PHF21A: variants seen among roughly 807,000 people sequenced by gnomAD.
PHF21A encodes the protein BHC80a.
PHF21A carries 11 observed loss-of-function variants against 82.5 expected under a neutral mutation model. The ratio of observed to expected loss-of-function variants is 0.13; its 90% CI spans 0.08 to 0.22. The LOEUF (loss-of-function observed/expected upper bound fraction) is 0.22, where lower values mean the gene tolerates loss of function less well. Among genes scored for constraint, PHF21A ranks in the 10% least tolerant of loss-of-function variants. The probability of loss-of-function intolerance (pLI) is 1.00; values close to 1 mark genes in which losing one functional copy is unlikely to be tolerated. For missense variants in PHF21A, 579 were observed against 837.8 expected, an observed-to-expected ratio of 0.69 and a Z score of 3.81; for synonymous variants, 297 against 302.8, an observed-to-expected ratio of 0.98 and a Z score of 0.20.
At chr11:46,116,599 G>T (rs766209867) in intron 1 of PHF21A, 2 of 151,498 alleles carry the variant, frequency 1.3e-5, no homozygotes, top group African/African-American at 4.9e-5. Context: ...AACTGACTAG[G>T]CAGCATTTTT....
chr11:45,943,100 C>A (rs1319224955), intron 15 of PHF21A, among the ~76,000 whole-genome samples: 2 of 147,956 alleles, frequency 1.4e-5, no homozygotes, highest in Non-Finnish European at 3.0e-5. Flanking sequence ...TCCAAGCTAT[C>A]ATCATCATCA....
intron 6 of PHF21A, among the ~76,000 whole-genome samples, chr11:46,056,993 A>T (rs1386133083): frequency 6.6e-6 from 1 of 151,162 alleles, no homozygotes; most frequent in Non-Finnish European, 1.5e-5. Flanking sequence ...AAATATAGTA[A>T]AAAAAAAAGT....
In PHF21A at chr11:45,976,537, A is replaced by G. The variant is rs112787735; in HGVS notation, c.360+3223T>C. Among the ~76,000 whole-genome samples, 176 of 152,360 alleles carry G rather than the reference A, an allele frequency of 1.2e-3. 1 individual carries two copies. The highest frequency in any genetic ancestry group is 4.2e-3 in the African/African-American group (175 of 41,586). On this transcript the variant is annotated intron_variant, in intron 7 of 18. Transcript: ENST00000676320. ...ACCAGAATCTACCACATAGATTGGT[A>G]GTACCAATAAATAGGTTAGTAGTGC... is the stretch of plus-strand genomic sequence containing the variant.
chr11:45,978,481 T>C (rs2094142537), intron 7 of PHF21A, among the ~76,000 whole-genome samples: 1 of 152,208 alleles, frequency 6.6e-6, no homozygotes, highest in Admixed American at 6.5e-5. Flanking sequence ...AAATTCATTC[T>C]TTACTTGCAA....
Position 45,956,712 on chromosome 11 carries a change from A to G in PHF21A, c.997-3087T>C, listed in dbSNP as rs570952032. On this transcript the variant is annotated intron_variant, in intron 10 of 18. Coordinates refer to ENST00000676320, the MANE Select transcript of PHF21A (RefSeq NM_001352027.3). ...GAAATGAGGAAAGCATGAAAATGAC[A>G]CACTAAGAAAAAAATCAAACAAAAA... is the stretch of plus-strand genomic sequence containing the variant. 3.3e-5 allele frequency among the ~76,000 whole-genome samples: 5 copies of G among 152,332 alleles called. No homozygotes were observed. In the South Asian group the frequency reaches 1.0e-3, roughly 32 times the overall value.
At chr11:45,969,953 A>G in intron 8 of PHF21A, 49 bp from the exon 9 acceptor site, 2 of 1,154,638 alleles carry the variant, frequency 1.7e-6, no homozygotes, top group East Asian at 2.4e-5. Flanking sequence ...TTACTCTTCA[A>G]TATCAAAGCT....
intron 12 of PHF21A, 100 bp downstream of exon 12, chr11:45,950,106 G>C (rs765720602): frequency 4.3e-5 from 41 of 954,692 alleles, no homozygotes; most frequent in Non-Finnish European, 6.3e-5. Flanking sequence ...TACTCTATTT[G>C]TGTTCCAATT....
chr11:46,022,842 G>A (rs1328887007), intron 6 of PHF21A, among the ~76,000 whole-genome samples: 3 of 152,210 alleles, frequency 2.0e-5, no homozygotes, highest in East Asian at 3.9e-4. Flanking sequence ...GAGTGCAGTG[G>A]TGAGATCTTG....
rs865930948 is a variant in PHF21A, at chr11:46,105,022, C to G, written c.-236-12799G>C. ...TTCAGTACCATTTATTTAGTACTTA[C>G]TATGTGTCAGGCACTTCTACTAGTT... On this transcript the variant is annotated intron_variant, in intron 1 of 18. Coordinates refer to ENST00000676320, the MANE Select transcript of PHF21A (RefSeq NM_001352027.3). Among the ~76,000 whole-genome samples the G allele has an allele frequency of 3.2e-4, 48 of 152,196 alleles. 2 individuals are homozygous for G. The highest frequency in any genetic ancestry group is 1.9e-3 in the Admixed American group (29 of 15,286).
At chr11:46,074,871 T>C (rs2096708150) in intron 6 of PHF21A, among the ~76,000 whole-genome samples, 1 of 152,252 alleles carries the variant, frequency 6.6e-6, no homozygotes, top group South Asian at 2.1e-4. Flanking sequence ...GATGAGCTTT[T>C]GAACTTTACA....
rs887334119 is a variant in PHF21A, at chr11:46,027,256, A to C, written c.154-47290T>G. On this transcript the variant is annotated intron_variant, in intron 6 of 18. Coordinates refer to ENST00000676320, the MANE Select transcript of PHF21A (RefSeq NM_001352027.3). The stretch of plus-strand genomic sequence containing the variant: ...CTCCGTGCTAACAGGTACAACATGA[A>C]CAGGCCAAGGAAATTTGTTTTTAAG... Among the ~76,000 whole-genome samples the C allele has an allele frequency of 2.6e-5, 4 of 152,242 alleles. No homozygotes were observed. The South Asian group carries it at 8.3e-4, about 31-fold the overall frequency.
intron 15 of PHF21A, among the ~76,000 whole-genome samples, chr11:45,939,759 G>A (rs1463198513): frequency 8.1e-6 from 1 of 123,964 alleles, no homozygotes; most frequent in East Asian, 2.3e-4. Context: ...ATTGGAAGAG[G>A]AGAACATAGC....
chr11:45,931,587 A>C lies in PHF21A; in HGVS notation c.*2381T>G. ...TAGAGATGAGACACATTTTACTCTAAGAAGTGTCTCTTCTCTGTTGCATTT... is the reference window on the plus strand; with the variant it reads ...TAGAGATGAGACACATTTTACTCTACGAAGTGTCTCTTCTCTGTTGCATTT... On this transcript the variant is annotated 3_prime_UTR_variant, in exon 19 of 19. Coordinates refer to ENST00000676320, the MANE Select transcript of PHF21A (RefSeq NM_001352027.3). 6.6e-6 allele frequency: 1 copy of C among 152,250 alleles called. No homozygotes were observed. The highest frequency in any genetic ancestry group is 1.9e-4 in the East Asian group (1 of 5,198). 9.4% of individuals were successfully genotyped at this position (152,250 alleles called of 1,614,324 possible).
intron 6 of PHF21A, chr11:46,026,857 A>G (rs1317048608): frequency 1.3e-5 from 2 of 152,214 alleles, no homozygotes; most frequent in African/African-American, 2.4e-5. Flanking sequence ...AAGGCCTTAC[A>G]TCTTTAAATG....
chr11:46,051,062 T>C (rs981747180), intron 6 of PHF21A, among the ~76,000 whole-genome samples: 28 of 152,212 alleles, frequency 1.8e-4, no homozygotes, highest in Admixed American at 1.3e-4. Context: ...TTGTACTCCT[T>C]CCTGGGAAAC....
At chr11:46,026,517 T>C (rs1350919251) in intron 6 of PHF21A, among the ~76,000 whole-genome samples, 1 of 152,188 alleles carries the variant, frequency 6.6e-6, no homozygotes, top group East Asian at 1.9e-4. Flanking sequence ...ACTTTTTCTC[T>C]TGTGGAAAGC....
At position 45,933,832 on chromosome 11, in the gene PHF21A, C is replaced by G. The variant is rs1209264637; in HGVS notation, c.*136G>C. Reference sequence around the variant, plus strand: ...AAACTCTGGTGCCACCTGGCACAAGCATCTTCTCTCTCTCTGGAACCAAAG... The same window carrying G: ...AAACTCTGGTGCCACCTGGCACAAGGATCTTCTCTCTCTCTGGAACCAAAG... On this transcript the variant is annotated 3_prime_UTR_variant, in exon 19 of 19. Transcript: ENST00000676320. The G allele has an allele frequency of 3.8e-6, 3 of 799,576 alleles. No individual in the cohort carries two copies. The highest frequency in any genetic ancestry group is 5.6e-6 in the Non-Finnish European group (3 of 533,652). The allele number at this position is 799,576 out of a possible 1,614,324, so 49.5% of individuals were successfully genotyped here.
intron 6 of PHF21A, among the ~76,000 whole-genome samples, chr11:45,985,424 A>G (rs2094458025): frequency 6.6e-6 from 1 of 152,254 alleles, no homozygotes; most frequent in African/African-American, 2.4e-5. Context: ...ACAAAAACAC[A>G]GAATGCCATT....
chr11:46,072,958 A>G (rs544209491), intron 6 of PHF21A, among the ~76,000 whole-genome samples: 1 of 152,310 alleles, frequency 6.6e-6, no homozygotes, highest in African/African-American at 2.4e-5. Context: ...GAATATCTCC[A>G]TAAAAGATCA....
Sources: gnomAD v4.1 joint callset for allele counts (sites outside exome capture counted in the v4.1 genomes callset) on GRCh38, gnomAD v4.1.1 for gene constraint, MANE v1.5 for transcripts, NCBI Gene and HGNC (gene_info 2026-07-23, HGNC 2026-07-21) for gene names.